The following STAG1 variants were observed in gnomAD, a reference collection of about 807,000 sequenced individuals.
STAG1 encodes STAG1 cohesin complex component.
Under a neutral mutation model 170.9 loss-of-function variants are expected in STAG1, and 26 were observed. That is an observed-to-expected ratio of 0.15 (90% CI 0.11 to 0.21). The LOEUF (loss-of-function observed/expected upper bound fraction) is 0.21. Among genes scored for constraint, STAG1 ranks in the 10% least tolerant of loss-of-function variants. The pLI, the probability that STAG1 is intolerant of heterozygous loss-of-function variation, is 1.00. For synonymous variants in STAG1, 514 were observed against 497.7 expected (o/e 1.03, Z -0.44); for missense variants, 964 against 1,509.5 (o/e 0.64, Z 5.99).
At chr3:136,338,718 T>G (rs1008284026) in intron 32 of STAG1, among the ~76,000 whole-genome samples, 8 of 152,232 alleles carry the variant, frequency 5.3e-5, no homozygotes, top group Non-Finnish European at 8.8e-5. Flanking sequence ...TAAATAACTT[T>G]GGGCCTACAT....
chr3:136,565,809 AACAGTGATATAT>A, intron 5 of STAG1, among the ~76,000 whole-genome samples: 1 of 152,328 alleles, frequency 6.6e-6, no homozygotes, highest in Middle Eastern at 3.4e-3. Flanking sequence ...TGGATAAACA[AACAGTGATATAT>A]ACATACGATG....
chr3:136,485,973 T>G (rs980245723), intron 9 of STAG1, among the ~76,000 whole-genome samples: 1 of 152,250 alleles, frequency 6.6e-6, no homozygotes, highest in African/African-American at 2.4e-5. Context: ...CCATGAATAT[T>G]CTTGTATGTT....
intron 2 of STAG1, among the ~76,000 whole-genome samples, chr3:136,628,885 A>G (rs2107836498): frequency 6.6e-6 from 1 of 152,322 alleles, no homozygotes; most frequent in South Asian, 2.1e-4. Flanking sequence ...TCCATCAGCA[A>G]TTACAATATC....
At chr3:136,418,316 C>T (rs557937462) in intron 20 of STAG1, among the ~76,000 whole-genome samples, 19 of 117,478 alleles carry the variant, frequency 1.6e-4, no homozygotes, top group South Asian at 5.9e-4. Context: ...GCCAAGATTG[C>T]GCCACTGCAC....
At chr3:136,563,667 C>A (rs1322115405) in intron 5 of STAG1, among the ~76,000 whole-genome samples, 118 of 132,692 alleles carry the variant, frequency 8.9e-4, no homozygotes, top group African/African-American at 2.6e-3. Flanking sequence ...AAAAAAACAA[C>A]AACAACAAAG....
At chr3:136,427,267 C>T (rs749554737) in intron 16 of STAG1, among the ~76,000 whole-genome samples, 1 of 151,764 alleles carries the variant, frequency 6.6e-6, no homozygotes, top group Non-Finnish European at 1.5e-5. Context: ...CATAACTGTA[C>T]AGAATTAACT....
chr3:136,644,991 A>T (rs1221118361), intron 1 of STAG1, among the ~76,000 whole-genome samples: 1 of 152,126 alleles, frequency 6.6e-6, no homozygotes. Context: ...CGATCTCCCG[A>T]AGTGCTGGGA....
At chr3:136,544,758 C>CAAAAAAA (rs33968101) in intron 5 of STAG1, among the ~76,000 whole-genome samples, 1 of 146,530 alleles carries the variant, frequency 6.8e-6, no homozygotes, top group Non-Finnish European at 1.5e-5. Flanking sequence ...GAGCAAGACT[C>CAAAAAAA]AAAAAAAAAA....
intron 26 of STAG1, among the ~76,000 whole-genome samples, chr3:136,360,025 G>C (rs1194401517): frequency 6.6e-6 from 1 of 152,072 alleles, no homozygotes; most frequent in Admixed American, 6.5e-5. Context: ...TTCCCACCCA[G>C]TAACAAAATA....
chr3:136,421,052 T>C lies in STAG1; in HGVS notation c.2108+41A>G, dbSNP rs537824425. Reference sequence around the variant, plus strand: ...TCTCAAAGTGTTGGGGTTACAGGCATGAGCCACCTCGTTGCCTTTACTTTA... The same window carrying C: ...TCTCAAAGTGTTGGGGTTACAGGCACGAGCCACCTCGTTGCCTTTACTTTA... On this transcript the variant is annotated intron_variant, in intron 20 of 33. Coordinates refer to ENST00000383202, the MANE Select transcript of STAG1 (RefSeq NM_005862.3). 95 of 1,332,012 alleles carry C rather than the reference T, an allele frequency of 7.1e-5. 1 individual carries two copies. The highest frequency in any genetic ancestry group is 1.9e-4 in the Middle Eastern group (1 of 5,318). 82.5% of individuals were successfully genotyped at this position (1,332,012 alleles called of 1,614,324 possible).
intron 2 of STAG1, among the ~76,000 whole-genome samples, chr3:136,628,433 C>T (rs1940198055): frequency 6.6e-6 from 1 of 152,112 alleles, no homozygotes; most frequent in Admixed American, 6.5e-5. Flanking sequence ...CAGTTTATCT[C>T]ATGTCACTCT....
intron 6 of STAG1, among the ~76,000 whole-genome samples, chr3:136,532,662 A>C (rs1234377317): frequency 6.6e-6 from 1 of 152,210 alleles, no homozygotes; most frequent in East Asian, 1.9e-4. Flanking sequence ...CTGAAGGACA[A>C]AAACCCTATG....
chr3:136,590,875 A>G (rs533289064), intron 4 of STAG1, among the ~76,000 whole-genome samples: 1 of 152,286 alleles, frequency 6.6e-6, no homozygotes, highest in East Asian at 1.9e-4. Flanking sequence ...TGATGGACGT[A>G]AATATTTCAT....
At chr3:136,417,676 T>G in intron 21 of STAG1, 1 of 454,142 alleles carries the variant, frequency 2.2e-6, no homozygotes, top group Non-Finnish European at 3.9e-6. Context: ...TAAGATATGT[T>G]ATAGCAAAAG....
chr3:136,694,737 C>T (rs1942829806), intron 1 of STAG1, among the ~76,000 whole-genome samples: 1 of 152,082 alleles, frequency 6.6e-6, no homozygotes, highest in Admixed American at 6.5e-5. Flanking sequence ...GCACAGAGTT[C>T]AGCTTTAGCT....
chr3:136,698,759 C>T (rs1322720017), intron 1 of STAG1, among the ~76,000 whole-genome samples: 1 of 152,184 alleles, frequency 6.6e-6, no homozygotes, highest in African/African-American at 2.4e-5. Flanking sequence ...CATCCACATG[C>T]ATCTATATAG....
intron 22 of STAG1, among the ~76,000 whole-genome samples, chr3:136,389,302 ACTTATTTG>A (rs985204115): frequency 6.6e-6 from 1 of 151,958 alleles, no homozygotes; most frequent in African/African-American, 2.4e-5. Context: ...TGCTTTATTT[ACTTATTTG>A]CTTATTTAAT....
At chr3:136,427,606 G>A (rs773780965) in intron 16 of STAG1, among the ~76,000 whole-genome samples, 4 of 150,978 alleles carry the variant, frequency 2.6e-5, no homozygotes, top group Non-Finnish European at 5.9e-5. Context: ...TATGTCTGCA[G>A]CTACAGTTGC....
chr3:136,641,935 AAACT>A (rs1265570076), intron 1 of STAG1, among the ~76,000 whole-genome samples: 4 of 152,200 alleles, frequency 2.6e-5, no homozygotes, highest in African/African-American at 9.6e-5. Context: ...AATAGAACCC[AAACT>A]AACTCCCAAC....
Sources: gnomAD v4.1 joint callset for allele counts (sites outside exome capture counted in the v4.1 genomes callset) on GRCh38, gnomAD v4.1.1 for gene constraint, MANE v1.5 for transcripts, NCBI Gene and HGNC (gene_info 2026-07-23, HGNC 2026-07-21) for gene names.